The following PPARGC1B variants were observed in gnomAD, a reference collection of about 807,000 sequenced individuals.
The protein encoded by PPARGC1B is PPARG coactivator 1 beta.
PPARGC1B carries 34 observed loss-of-function variants against 101.6 expected under a neutral mutation model. That is an observed-to-expected ratio of 0.33 (90% CI 0.25 to 0.45). The LOEUF (loss-of-function observed/expected upper bound fraction) is 0.45, where lower values mean the gene tolerates loss of function less well. Ranked by LOEUF, PPARGC1B falls within the 20% of genes least tolerant of loss-of-function variation. The probability of loss-of-function intolerance (pLI) is 1.00; values close to 1 mark genes in which losing one functional copy is unlikely to be tolerated. For missense variants in PPARGC1B, 1,234 were observed against 1,317.6 expected (o/e 0.94, Z 0.98); for synonymous variants, 548 against 539.3 (o/e 1.02, Z -0.22).
At chr5:149,791,836 T>G (rs1757034202) in intron 1 of PPARGC1B, among the ~76,000 whole-genome samples, 2 of 152,232 alleles carry the variant, frequency 1.3e-5, no homozygotes, top group African/African-American at 4.8e-5. Context: ...GGGCAGTATC[T>G]CAGTGCCTTG....
Position 149,774,840 on chromosome 5 carries a change from TCATGGAGACCAGG to T in PPARGC1B, c.78+44422_78+44434del, listed in dbSNP as rs1278367251. On this transcript the variant is annotated intron_variant, in intron 1 of 11. Transcript: ENST00000309241. ...ATTCTCCAGGATCCACTCATGGGAGTCATGGAGACCAGGCTGCTGCTTTGGGAGTTGAGAGCAT... is the reference window on the plus strand; with the variant it reads ...ATTCTCCAGGATCCACTCATGGGAGTCTGCTGCTTTGGGAGTTGAGAGCAT... Among the ~76,000 whole-genome samples, 6 of 151,892 alleles carry T rather than the reference TCATGGAGACCAGG, an allele frequency of 4.0e-5. No homozygotes were observed. The East Asian group carries it at 9.7e-4, about 24-fold the overall frequency.
chr5:149,774,967 C>A (rs541520998), intron 1 of PPARGC1B, among the ~76,000 whole-genome samples: 1 of 152,266 alleles, frequency 6.6e-6, no homozygotes, highest in East Asian at 1.9e-4. Context: ...CATGTCCCCA[C>A]AGCCAGAGAG....
intron 4 of PPARGC1B, among the ~76,000 whole-genome samples, chr5:149,831,328 G>A (rs538049967): frequency 4.6e-5 from 7 of 152,192 alleles, no homozygotes; most frequent in African/African-American, 1.7e-4. Flanking sequence ...TCCTCCTTGA[G>A]CCCCATCTTC....
At chr5:149,742,850 A>G (rs996845099) in intron 1 of PPARGC1B, among the ~76,000 whole-genome samples, 1 of 152,168 alleles carries the variant, frequency 6.6e-6, no homozygotes, top group African/African-American at 2.4e-5. Context: ...CTAAGCACAT[A>G]GAAGGACTGG....
intron 5 of PPARGC1B, among the ~76,000 whole-genome samples, chr5:149,834,206 G>A (rs969760806): frequency 1.3e-5 from 2 of 152,234 alleles, no homozygotes; most frequent in African/African-American, 4.8e-5. Flanking sequence ...GTTAGCCACT[G>A]TATACTTACC....
chr5:149,847,668 G>T lies in PPARGC1B; in HGVS notation c.*110G>T. On this transcript the variant is annotated 3_prime_UTR_variant, in exon 12 of 12. Transcript: ENST00000309241. ...ATGAGGAGAGCGAGCGAGCGTGAGA[G>T]AACACCCGTGAGAGAGACTTGAAAC... The T allele has an allele frequency of 2.6e-6, 2 of 756,264 alleles. No individual in the cohort carries two copies. The highest frequency in any genetic ancestry group is 4.4e-6 in the Non-Finnish European group (2 of 450,804). 46.8% of individuals were successfully genotyped at this position (756,264 alleles called of 1,614,324 possible).
intron 3 of PPARGC1B, among the ~76,000 whole-genome samples, chr5:149,829,600 T>A (rs546450825): frequency 7.2e-5 from 11 of 152,026 alleles, no homozygotes; most frequent in African/African-American, 2.7e-4. Context: ...AAAATCTAGA[T>A]GTATTCAACT....
At chr5:149,771,370 C>A (rs1176798211) in intron 1 of PPARGC1B, among the ~76,000 whole-genome samples, 1 of 152,162 alleles carries the variant, frequency 6.6e-6, no homozygotes, top group Non-Finnish European at 1.5e-5. Flanking sequence ...GCATCTGCAG[C>A]CCAGGTAGGC....
chr5:149,836,187 C>T, intron 7 of PPARGC1B, 76 bp from the exon 8 acceptor site: 1 of 1,290,792 alleles, frequency 7.7e-7, no homozygotes, highest in African/African-American at 1.5e-5. Flanking sequence ...CCAGGCTTGG[C>T]CCCAAACTTA....
chr5:149,773,046 A>G (rs907050729), intron 1 of PPARGC1B, among the ~76,000 whole-genome samples: 1 of 152,086 alleles, frequency 6.6e-6, no homozygotes, highest in African/African-American at 2.4e-5. Context: ...CTATTGGGGT[A>G]TGATGCTTGG....
chr5:149,791,659 T>C (rs982420904), intron 1 of PPARGC1B, among the ~76,000 whole-genome samples: 4 of 152,124 alleles, frequency 2.6e-5, no homozygotes, highest in African/African-American at 9.7e-5. Flanking sequence ...ATATTGGTGC[T>C]GAGAGGGAAT....
Position 149,836,713 on chromosome 5 carries a change from C to T in PPARGC1B, c.2258C>T (p.Thr753Met), listed in dbSNP as rs149663552. 71 of 1,613,714 alleles carry T rather than the reference C, an allele frequency of 4.4e-5. 1 individual carries two copies. In the African/African-American group the frequency reaches 5.2e-4, roughly 12 times the overall value. ...CDAGAPPKDS[T>M]LLRDHEIRAS... Reference sequence around the variant, plus strand: ...GCTGGCGCCCCACCCAAGGACAGCACGCTGCTGAGAGACCATGAGATCCGT... The same window carrying T: ...GCTGGCGCCCCACCCAAGGACAGCATGCTGCTGAGAGACCATGAGATCCGT... Residue 753 changes from threonine (T) to methionine (M), a missense_variant, in exon 8 of 12, where the codon ACG (threonine) becomes ATG (methionine). Physicochemically the swap from Thr to Met is moderately conservative, Grantham distance 81. Around this residue, in one of 3 missense-constraint regions of PPARGC1B, gnomAD observed 497 missense variants for 529.5 expected, o/e 0.94. Transcript: ENST00000309241.
intron 1 of PPARGC1B, among the ~76,000 whole-genome samples, chr5:149,779,337 C>A (rs1440650655): frequency 9.2e-5 from 14 of 152,334 alleles, no homozygotes; most frequent in African/African-American, 3.4e-4. Context: ...GTAACAAATA[C>A]AATGGGCACT....
intron 1 of PPARGC1B, among the ~76,000 whole-genome samples, chr5:149,776,953 T>G (rs555981925): frequency 6.6e-6 from 1 of 152,346 alleles, no homozygotes; most frequent in South Asian, 2.1e-4. Flanking sequence ...TCCCGAGTCC[T>G]TCCCCACCCT....
rs1458053734 is a variant in PPARGC1B at position 149,850,254 on chromosome 5, G to A, written c.*2696G>A. Reference sequence around the variant, plus strand: ...AGCCTTGGGCTGGTGATACTTTAGAGTAAAGAAATGGAGAGTTTTAGCAAA... The same window carrying A: ...AGCCTTGGGCTGGTGATACTTTAGAATAAAGAAATGGAGAGTTTTAGCAAA... On this transcript the variant is annotated 3_prime_UTR_variant, in exon 12 of 12. Transcript: ENST00000309241. 6.6e-6 allele frequency: 1 copy of A among 152,262 alleles called. No individual in the cohort carries two copies. The highest frequency in any genetic ancestry group is 1.5e-5 in the Non-Finnish European group (1 of 68,058). The allele number at this position is 152,262 out of a possible 1,614,324, so 9.4% of individuals were successfully genotyped here.
At position 149,849,207 on chromosome 5, in the gene PPARGC1B, G is replaced by A. The variant is rs927746042; in HGVS notation, c.*1649G>A. The A allele has an allele frequency of 2.6e-5, 4 of 152,130 alleles. No homozygotes were observed. Among genetic ancestry groups the A allele is most frequent in the Non-Finnish European group, 4.4e-5 (3 of 68,022 alleles). The allele number at this position is 152,130 out of a possible 1,614,324, so 9.4% of individuals were successfully genotyped here. The stretch of plus-strand genomic sequence containing the variant: ...CAAGCCTAGACTGTTGAGAATTGAC[G>A]TTTTTAAAGATTATCAAATACCTCA... On this transcript the variant is annotated 3_prime_UTR_variant, in exon 12 of 12. Transcript: ENST00000309241.
At chr5:149,769,253 C>T (rs1581032081) in intron 1 of PPARGC1B, among the ~76,000 whole-genome samples, 1 of 152,200 alleles carries the variant, frequency 6.6e-6, no homozygotes, top group African/African-American at 2.4e-5. Flanking sequence ...GCTGTAAATA[C>T]AGATGAAGCT....
chr5:149,800,767 C>A (rs1186083280), intron 1 of PPARGC1B, among the ~76,000 whole-genome samples: 1 of 152,182 alleles, frequency 6.6e-6, no homozygotes, highest in Non-Finnish European at 1.5e-5. Flanking sequence ...AGAGGGCCAA[C>A]CGATTGATCT....
chr5:149,738,614 T>A (rs1754808374), intron 1 of PPARGC1B, among the ~76,000 whole-genome samples: 1 of 152,070 alleles, frequency 6.6e-6, no homozygotes. Context: ...AGCATTTTTT[T>A]TTTTTTGAGA....
Sources: gnomAD v4.1 joint callset for allele counts (sites outside exome capture counted in the v4.1 genomes callset) on GRCh38, gnomAD v4.1.1 for gene constraint, gnomAD v4.1.1 regional missense constraint, MANE v1.5 for transcripts, NCBI Gene and HGNC (gene_info 2026-07-23, HGNC 2026-07-21) for gene names.